TCF12: variants seen among roughly 807,000 people sequenced by gnomAD.
The protein encoded by TCF12 is DNA-binding protein HTF4.
Under a neutral mutation model 86.0 loss-of-function variants are expected in TCF12, and 45 were observed. The ratio of observed to expected loss-of-function variants is 0.52; its 90% confidence interval spans 0.41 to 0.67. The LOEUF (loss-of-function observed/expected upper bound fraction) is 0.67, where lower values mean the gene tolerates loss of function less well. Among genes scored for constraint, TCF12 ranks in the 30% least tolerant of loss-of-function variants. The probability of loss-of-function intolerance (pLI) is 0.00; values close to 1 mark genes in which losing one functional copy is unlikely to be tolerated. For synonymous variants in TCF12, 330 were observed against 299.6 expected, an observed-to-expected ratio of 1.10 and a Z score of -1.05; for missense variants, 881 against 859.9, an observed-to-expected ratio of 1.02 and a Z score of -0.31.
At chr15:56,970,657 A>T (rs940207832) in intron 3 of TCF12, among the ~76,000 whole-genome samples, 1 of 152,104 alleles carries the variant, frequency 6.6e-6, no homozygotes, top group Non-Finnish European at 1.5e-5. Flanking sequence ...CCAATGTAAA[A>T]AGAGGAAAGA....
At chr15:56,920,199 A>G (rs916784599) in intron 2 of TCF12, among the ~76,000 whole-genome samples, 9 of 152,152 alleles carry the variant, frequency 5.9e-5, no homozygotes, top group Admixed American at 1.3e-4. Context: ...CTAGACTTGC[A>G]CATTTAAAAC....
At chr15:56,963,529 T>A (rs2061869025) in intron 3 of TCF12, among the ~76,000 whole-genome samples, 1 of 152,180 alleles carries the variant, frequency 6.6e-6, no homozygotes, top group Admixed American at 6.5e-5. Context: ...CTATGGTTTT[T>A]ATCTTTGCTT....
At chr15:57,010,315 C>T (rs544726585) in intron 3 of TCF12, among the ~76,000 whole-genome samples, 16 of 152,040 alleles carry the variant, frequency 1.1e-4, no homozygotes, top group South Asian at 1.0e-3. Flanking sequence ...TGGGAGGCCA[C>T]GGCAAGAGGA....
At chr15:57,216,910 A>T (rs1387062431) in intron 8 of TCF12, among the ~76,000 whole-genome samples, 1 of 152,090 alleles carries the variant, frequency 6.6e-6, no homozygotes, top group Non-Finnish European at 1.5e-5. Flanking sequence ...TTTTATGTAG[A>T]TTACCACCAG....
chr15:57,030,195 T>C (rs1432204411), intron 3 of TCF12, among the ~76,000 whole-genome samples: 3 of 152,212 alleles, frequency 2.0e-5, no homozygotes, highest in Non-Finnish European at 4.4e-5. Flanking sequence ...GTGGTCTTGC[T>C]CTGTCACTGA....
At chr15:56,962,448 T>C (rs1403743359) in intron 3 of TCF12, among the ~76,000 whole-genome samples, 1 of 152,226 alleles carries the variant, frequency 6.6e-6, no homozygotes, top group African/African-American at 2.4e-5. Context: ...CTTCAATTCA[T>C]GTTGGACAGC....
intron 3 of TCF12, among the ~76,000 whole-genome samples, chr15:57,013,089 A>G (rs1158054567): frequency 6.6e-6 from 1 of 151,930 alleles, no homozygotes; most frequent in African/African-American, 2.4e-5. Flanking sequence ...TTCCATATAC[A>G]TAGTCTCTTC....
intron 6 of TCF12, among the ~76,000 whole-genome samples, chr15:57,173,445 A>G (rs748284963): frequency 1.3e-5 from 2 of 152,114 alleles, no homozygotes; most frequent in Non-Finnish European, 2.9e-5. Flanking sequence ...AACAAAACCA[A>G]AATTTGGCTA....
At chr15:57,038,842 C>T (rs982537626) in intron 3 of TCF12, among the ~76,000 whole-genome samples, 6 of 152,060 alleles carry the variant, frequency 3.9e-5, no homozygotes, top group African/African-American at 7.2e-5. Context: ...TAAACATTAG[C>T]GTTGTATTGA....
At chr15:56,958,531 C>T (rs181868872) in intron 3 of TCF12, among the ~76,000 whole-genome samples, 1 of 152,070 alleles carries the variant, frequency 6.6e-6, no homozygotes, top group Non-Finnish European at 1.5e-5. Context: ...ATTCCAAATG[C>T]TTAAAAGCCG....
intron 8 of TCF12, among the ~76,000 whole-genome samples, chr15:57,224,786 A>C (rs1341123348): frequency 6.6e-6 from 1 of 152,200 alleles, no homozygotes; most frequent in African/African-American, 2.4e-5. Flanking sequence ...ATTAGGTAAA[A>C]AGAATCTTCC....
At chr15:57,124,211 A>T (rs138849781) in intron 5 of TCF12, among the ~76,000 whole-genome samples, 1 of 152,028 alleles carries the variant, frequency 6.6e-6, no homozygotes, top group Non-Finnish European at 1.5e-5. Flanking sequence ...ATTCTGTTCT[A>T]GTGGAGTTTT....
At chr15:57,087,574 T>A (rs1435370301) in intron 4 of TCF12, among the ~76,000 whole-genome samples, 2 of 152,058 alleles carry the variant, frequency 1.3e-5, no homozygotes, top group African/African-American at 4.8e-5. Context: ...AAGTATGAAA[T>A]CTACTTTATA....
At chr15:57,085,778 T>C (rs1372228140) in intron 4 of TCF12, among the ~76,000 whole-genome samples, 1 of 152,186 alleles carries the variant, frequency 6.6e-6, no homozygotes, top group African/African-American at 2.4e-5. Flanking sequence ...GCATAAACAC[T>C]TATTTATATC....
intron 5 of TCF12, among the ~76,000 whole-genome samples, chr15:57,149,541 T>C (rs1371024468): frequency 1.3e-5 from 2 of 152,188 alleles, no homozygotes; most frequent in African/African-American, 4.8e-5. Context: ...TTCAAAGTAT[T>C]TTAGAAATAA....
At chr15:56,952,819 A>G (rs990976859) in intron 3 of TCF12, among the ~76,000 whole-genome samples, 9 of 152,108 alleles carry the variant, frequency 5.9e-5, no homozygotes, top group Admixed American at 4.6e-4. Context: ...AATAAAGATA[A>G]TTTTACTTCT....
chr15:57,131,992 A>G (rs1423489852), intron 5 of TCF12, among the ~76,000 whole-genome samples: 2 of 152,146 alleles, frequency 1.3e-5, no homozygotes, highest in Non-Finnish European at 2.9e-5. Flanking sequence ...TTGTGGAATC[A>G]TGATATCGTC....
chr15:57,110,893 AGGG>A (rs1321905284), intron 5 of TCF12, among the ~76,000 whole-genome samples: 2 of 152,148 alleles, frequency 1.3e-5, no homozygotes, highest in Non-Finnish European at 2.9e-5. Flanking sequence ...TTATGCAAAA[AGGG>A]GGGAAAATTT....
intron 3 of TCF12, among the ~76,000 whole-genome samples, chr15:56,927,069 T>C (rs1404659984): frequency 1.3e-5 from 2 of 152,130 alleles, no homozygotes; most frequent in African/African-American, 4.8e-5. Flanking sequence ...TGTTAGAATT[T>C]GAGGGATTGG....
Sources: gnomAD v4.1 joint callset for allele counts (sites outside exome capture counted in the v4.1 genomes callset) on GRCh38, gnomAD v4.1.1 for gene constraint, MANE v1.5 for transcripts, NCBI Gene and HGNC (gene_info 2026-07-23, HGNC 2026-07-21) for gene names.